Variants in TMEM161A observed in about 807,000 individuals in gnomAD.
TMEM161A encodes transmembrane protein 161A, also known as adaptive response to oxidative stress protein 29.
TMEM161A carries 46 observed loss-of-function variants against 57.1 expected under a neutral mutation model. That is an observed-to-expected ratio of 0.81 (90% CI 0.64 to 1.03). TMEM161A has a LOEUF of 1.03. Ranked by LOEUF, TMEM161A falls within the 50% of genes least tolerant of loss-of-function variation. The pLI is 0.00. For synonymous variants in TMEM161A, 288 were observed against 279.0 expected, an observed-to-expected ratio of 1.03 and a Z score of -0.32; for missense variants, 601 against 621.5, an observed-to-expected ratio of 0.97 and a Z score of 0.35.
In TMEM161A at chr19:19,121,142, A is replaced by G. The variant is rs1338838731; in HGVS notation, c.939T>C (p.Ser313=). ...GCACCACCAGCAACCAGAGGCGCCC[A>G]GAGTCGAAGGCAGAATCGGACAGCC... ...FSLLSDSAFD[S]GRLWLLVVLC... is the part of the protein sequence containing the mutation. Residue 313 remains serine, a synonymous_variant, in exon 10 of 12, where the codon TCT becomes TCC. Transcript: ENST00000162044. The surrounding 1 kb of genome is among the most constrained non-coding windows in gnomAD (Gnocchi z 5.8). The G allele has an allele frequency of 6.2e-7, 1 of 1,609,526 alleles. No individual in the cohort carries two copies. Among genetic ancestry groups the G allele is most frequent in the Non-Finnish European group, 8.5e-7 (1 of 1,178,246 alleles).
intron 11 of TMEM161A, 108 bp downstream of exon 11, chr19:19,120,657 C>A (rs1297115670): frequency 9.8e-7 from 1 of 1,021,924 alleles, no homozygotes; most frequent in South Asian, 1.4e-5. Context: ...CGCCCCCTGC[C>A]TAGGCCCCGC....
rs1227100717 is a variant in TMEM161A at position 19,132,544 on chromosome 19, C to T, written c.287-36G>A. On this transcript the variant is annotated intron_variant, in intron 4 of 11. Transcript: ENST00000162044. This position sits in a 1 kb window ranked among gnomAD's most constrained non-coding sequence, Gnocchi z 4.3. ...CACTCTGCTCAGCCCTGGGGCCCAG[C>T]TCGCTCCCCTCCTAATAGAACATTC... 14 of 1,601,902 alleles carry T rather than the reference C, an allele frequency of 8.7e-6. No individual in the cohort carries two copies. The highest frequency in any genetic ancestry group is 1.2e-5 in the Non-Finnish European group (14 of 1,173,766).
At chr19:19,133,305 GC>G (rs746648526) in intron 2 of TMEM161A, 95 bp from the exon 3 acceptor site, 9 of 1,143,460 alleles carry the variant, frequency 7.9e-6, no homozygotes, top group Non-Finnish European at 1.2e-5. Context: ...TTAGAGGGTA[GC>G]CTAGGCCAGG....
At chr19:19,129,614 A>ATT (rs2059947728) in intron 6 of TMEM161A, among the ~76,000 whole-genome samples, 1 of 151,970 alleles carries the variant, frequency 6.6e-6, no homozygotes, top group Non-Finnish European at 1.5e-5. Context: ...TTTTTAAAAA[A>ATT]ATGAAAAAAG....
rs1406226543 is a variant in TMEM161A, at chr19:19,120,100, C to G, written c.1270G>C (p.Glu424Gln). Residue 424 changes from glutamate (E) to glutamine (Q), a missense_variant, in exon 12 of 12, where the codon GAG becomes CAG. Physicochemically the swap from Glu to Gln is conservative, Grantham distance 29. Transcript: ENST00000162044. ...SASAAPIGSGEDEVQQTAARI... is the reference protein window; with the variant it reads ...SASAAPIGSGQDEVQQTAARI... ...GCTGCAGTCTGCTGGACTTCGTCCT[C>G]CCCAGAGCCGATGGGGGCAGCGCTG... The G allele has an allele frequency of 1.3e-6, 2 of 1,577,902 alleles. No homozygotes were observed. The highest frequency in any genetic ancestry group is 2.7e-5 in the African/African-American group (2 of 74,302).
intron 2 of TMEM161A, 56 bp downstream of exon 2, chr19:19,134,728 G>C: frequency 7.6e-7 from 1 of 1,319,242 alleles, no homozygotes; most frequent in Non-Finnish European, 1.1e-6. Flanking sequence ...GGGGCGTGGG[G>C]AGCCAGAAGG....
Position 19,121,700 on chromosome 19 carries a change from G to C in TMEM161A, c.657-32C>G. On this transcript the variant is annotated intron_variant, in intron 7 of 11. Transcript: ENST00000162044. This position sits in a 1 kb window ranked among gnomAD's most constrained non-coding sequence, Gnocchi z 5.8. ...GAACACCAGGTCACGAGCCTGCCTG[G>C]GGGACCCTGGGAGGGTCCCAGCCTG... The C allele has an allele frequency of 1.9e-6, 3 of 1,612,056 alleles. No individual in the cohort carries two copies. Among genetic ancestry groups the C allele is most frequent in the South Asian group, 1.1e-5 (1 of 91,054 alleles).
At chr19:19,136,245 A>C (rs887031643) in intron 1 of TMEM161A, among the ~76,000 whole-genome samples, 2 of 152,166 alleles carry the variant, frequency 1.3e-5, no homozygotes, top group African/African-American at 4.8e-5. Flanking sequence ...AATGAAATAA[A>C]GTTTATTTAA....
At chr19:19,136,323 C>T (rs1448789900) in intron 1 of TMEM161A, among the ~76,000 whole-genome samples, 1 of 151,830 alleles carries the variant, frequency 6.6e-6, no homozygotes, top group Non-Finnish European at 1.5e-5. Context: ...TCGGAAAAAC[C>T]CTAATGTGAT....
At chr19:19,120,711 C>G in intron 11 of TMEM161A, 54 bp downstream of exon 11, 1 of 1,542,320 alleles carries the variant, frequency 6.5e-7, no homozygotes, top group Non-Finnish European at 8.9e-7. Context: ...CACCTCCACT[C>G]TGTTTTATCT....
In TMEM161A at chr19:19,120,016, C is replaced by G. The variant is rs1460580297; in HGVS notation, c.1354G>C (p.Ala452Pro). Residue 452 changes from alanine to proline, a missense_variant, in exon 12 of 12, where the codon GCC becomes CCC. Transcript: ENST00000162044. ...GCAGCCGTCCACCAGATGAGGTAGGCCAGGACGCCACGGAGGAAGAGGGGA... is the reference window on the plus strand; with the variant it reads ...GCAGCCGTCCACCAGATGAGGTAGGGCAGGACGCCACGGAGGAAGAGGGGA... ...LTPLFLRGVL[A>P]YLIWWTAACQ... 1 of 1,596,620 alleles carries G rather than the reference C, an allele frequency of 6.3e-7. No homozygotes were observed. The highest frequency in any genetic ancestry group is 1.1e-5 in the South Asian group (1 of 88,384).
At chr19:19,126,140 G>C (rs867391722) in intron 6 of TMEM161A, among the ~76,000 whole-genome samples, 17 of 143,486 alleles carry the variant, frequency 1.2e-4, no homozygotes, top group Middle Eastern at 7.1e-3. Flanking sequence ...ACTCCAGCCT[G>C]GGGGAAAGAG....
Position 19,121,941 on chromosome 19 carries a change from C to G in TMEM161A, c.596-122G>C. 1.9e-6 allele frequency: 2 copies of G among 1,075,334 alleles called. No homozygotes were observed. The highest frequency in any genetic ancestry group is 2.7e-6 in the Non-Finnish European group (2 of 745,594). 66.6% of individuals were successfully genotyped at this position (1,075,334 alleles called of 1,614,324 possible). A position where few individuals can be genotyped will look rare whatever the true frequency, so the allele number is the denominator to read the frequency against. On this transcript the variant is annotated intron_variant, in intron 6 of 11. Coordinates refer to ENST00000162044, the MANE Select transcript of TMEM161A (RefSeq NM_017814.3). The surrounding 1 kb of genome is among the most constrained non-coding windows in gnomAD (Gnocchi z 5.8). ...TTCCCAAGTAGGAATGAACAAGGGT[C>G]TGCCAGGCCCTGAGCCAGGCACAAG...
chr19:19,137,680 AG>A (rs2059990672), intron 1 of TMEM161A, among the ~76,000 whole-genome samples: 1 of 152,086 alleles, frequency 6.6e-6, no homozygotes, highest in Non-Finnish European at 1.5e-5. Context: ...CCCTTCCTTC[AG>A]GGCCATCTCC....
At position 19,120,135 on chromosome 19, in the gene TMEM161A, G is replaced by A. The variant is rs753210061; in HGVS notation, c.1235C>T (p.Pro412Leu). 3.8e-6 allele frequency: 6 copies of A among 1,564,942 alleles called. No homozygotes were observed. In the East Asian group the frequency reaches 1.4e-4, roughly 37 times the overall value. The change falls in exon 12 of 12, where the codon CCA becomes CTA. Residue 412 changes from proline to leucine, a missense_variant. By Grantham distance (98) the Pro-to-Leu change is moderately conservative. Transcript: ENST00000162044. ...LGPAPLLSPD[P>L]SSASAAPIGS... ...GATGGGGGCAGCGCTGGCTGAGGAT[G>A]GGTCGGGGGATAGTAGAGGAGCTGG...
chr19:19,134,557 A>G (rs890725994), intron 2 of TMEM161A, among the ~76,000 whole-genome samples: 16 of 152,186 alleles, frequency 1.1e-4, no homozygotes, highest in African/African-American at 3.9e-4. Context: ...AGCTATGATC[A>G]GGTCACTGCA....
rs1036336390 is a variant in TMEM161A, at chr19:19,132,715, CACAG to C, written c.224_227del (p.Ser75CysfsTer69). 48 of 1,576,550 alleles carry C rather than the reference CACAG, an allele frequency of 3.0e-5. No homozygotes were observed. The highest frequency in any genetic ancestry group is 4.0e-5 in the Non-Finnish European group (46 of 1,161,838). On this transcript the variant is annotated frameshift_variant, in exon 4 of 12. Transcript: ENST00000162044. LOFTEE classifies it high-confidence loss of function. The surrounding 1 kb of genome is among the most constrained non-coding windows in gnomAD (Gnocchi z 4.3). ...CCAGCTGGAACGGGGCATCTCGGGG[CACAG>C]ACAGTGGCTTCTCCTCACTAAGGCC...
chr19:19,122,520 G>T (rs1479500610), intron 6 of TMEM161A, among the ~76,000 whole-genome samples: 1 of 151,696 alleles, frequency 6.6e-6, no homozygotes, highest in African/African-American at 2.4e-5. Flanking sequence ...GCTTGCACCT[G>T]TAAGTCTCAG....
Position 19,120,783 on chromosome 19 carries a change from G to T in TMEM161A, c.1168C>A (p.Leu390Ile). 6.2e-7 allele frequency: 1 copy of T among 1,613,454 alleles called. No individual in the cohort carries two copies. Among genetic ancestry groups the T allele is most frequent in the Non-Finnish European group, 8.5e-7 (1 of 1,179,984 alleles). The change falls in exon 11 of 12, where the codon CTT becomes ATT. Residue 390 changes from leucine to isoleucine, a missense_variant. Physicochemically the swap from Leu to Ile is conservative, Grantham distance 5. Coordinates refer to ENST00000162044, the MANE Select transcript of TMEM161A (RefSeq NM_017814.3). ...TPLILTLNCT[L>I]LLKTLGGYSW... ...ATCTCACCCAGCGTCTTGAGCAGAAGTGTGCAGTTGAGGGTGAGGATGAGC... is the reference window on the plus strand; with the variant it reads ...ATCTCACCCAGCGTCTTGAGCAGAATTGTGCAGTTGAGGGTGAGGATGAGC...
Sources: allele counts gnomAD v4.1 joint callset (sites outside exome capture counted in the v4.1 genomes callset), GRCh38; gene constraint gnomAD v4.1.1; non-coding constraint Gnocchi (gnomAD v3.1); transcripts MANE v1.5; gene names NCBI Gene and HGNC (gene_info 2026-07-23, HGNC 2026-07-21).